Variants in LRCH1 observed in about 807,000 individuals in gnomAD.
The protein encoded by LRCH1 is leucine-rich repeat and calponin homology domain-containing protein 1.
Under a neutral mutation model 94.9 loss-of-function variants are expected in LRCH1, and 23 were observed. The observed-to-expected ratio is 0.24, with a 90% CI of 0.17 to 0.34. The LOEUF is 0.34. LRCH1 is among the 10% of genes least tolerant of loss of function. The probability of loss-of-function intolerance (pLI) is 1.00; values close to 1 mark genes in which losing one functional copy is unlikely to be tolerated. For synonymous variants in LRCH1, 364 were observed against 354.9 expected, an observed-to-expected ratio of 1.03 and a Z score of -0.29; for missense variants, 790 against 945.9, an observed-to-expected ratio of 0.84 and a Z score of 2.16.
chr13:46,652,162 C>A (rs551900738), intron 2 of LRCH1, among the ~76,000 whole-genome samples: 1 of 151,438 alleles, frequency 6.6e-6, no homozygotes, highest in Non-Finnish European at 1.5e-5. Context: ...CTGCAAGCTC[C>A]GCCTCCCGGG....
At chr13:46,600,166 C>CGG (rs1201585525) in intron 1 of LRCH1, among the ~76,000 whole-genome samples, 4,139 of 152,168 alleles carry the variant, frequency 0.027, 173 homozygotes, top group African/African-American at 0.094. Flanking sequence ...GGATTACAGG[C>CGG]GTGAGCCACC....
intron 17 of LRCH1, among the ~76,000 whole-genome samples, chr13:46,726,862 C>CAAAAAAAAAAAA (rs71077918): frequency 2.6e-5 from 2 of 78,004 alleles, no homozygotes; most frequent in Non-Finnish European, 4.6e-5. Flanking sequence ...AGAGCAGTGT[C>CAAAAAAAAAAAA]AAAAAAAAAA....
intron 1 of LRCH1, among the ~76,000 whole-genome samples, chr13:46,589,900 A>ATTTT (rs113727855): frequency 1.5e-5 from 2 of 134,378 alleles, no homozygotes; most frequent in African/African-American, 5.4e-5. Context: ...TGTGCCTGGG[A>ATTTT]TTTTTTTTTT....
chr13:46,679,573 G>A (rs942922178), intron 3 of LRCH1, among the ~76,000 whole-genome samples: 2 of 152,194 alleles, frequency 1.3e-5, no homozygotes, highest in Non-Finnish European at 2.9e-5. Flanking sequence ...AGATGTGCTT[G>A]TGGAGTTTGT....
At chr13:46,570,812 T>C (rs980250955) in intron 1 of LRCH1, among the ~76,000 whole-genome samples, 8 of 152,204 alleles carry the variant, frequency 5.3e-5, no homozygotes, top group Non-Finnish European at 1.0e-4. Flanking sequence ...TTCTTATCTT[T>C]TGAGAGATTT....
At chr13:46,677,871 T>C (rs1225793566) in intron 3 of LRCH1, among the ~76,000 whole-genome samples, 1 of 152,218 alleles carries the variant, frequency 6.6e-6, no homozygotes, top group East Asian at 1.9e-4. Flanking sequence ...TAAATATTTA[T>C]AACATGCTCA....
At chr13:46,697,859 C>T (rs751734551) in intron 9 of LRCH1, among the ~76,000 whole-genome samples, 16 of 126,810 alleles carry the variant, frequency 1.3e-4, no homozygotes, top group Non-Finnish European at 2.6e-4. Context: ...CAACCCAGTA[C>T]GCCTGTTTTG....
intron 3 of LRCH1, among the ~76,000 whole-genome samples, chr13:46,676,044 C>A (rs187116829): frequency 1.3e-5 from 2 of 152,076 alleles, no homozygotes; most frequent in East Asian, 3.9e-4. Context: ...TTTGGGAGGC[C>A]GAGGTCAGGA....
At chr13:46,644,714 G>A (rs954456404) in intron 1 of LRCH1, among the ~76,000 whole-genome samples, 2 of 152,190 alleles carry the variant, frequency 1.3e-5, no homozygotes, top group African/African-American at 4.8e-5. Context: ...CACTAACTCA[G>A]TGGACAGGGT....
intron 13 of LRCH1, among the ~76,000 whole-genome samples, chr13:46,706,075 C>T (rs1441279150): frequency 6.6e-6 from 1 of 152,184 alleles, no homozygotes; most frequent in African/African-American, 2.4e-5. Flanking sequence ...AGCGGTTTCA[C>T]GCTCTTAACT....
intron 16 of LRCH1, among the ~76,000 whole-genome samples, chr13:46,717,222 A>T (rs1872366486): frequency 6.6e-6 from 1 of 152,210 alleles, no homozygotes; most frequent in South Asian, 2.1e-4. Flanking sequence ...CTCTGGAATC[A>T]TCTCTGCCGC....
At chr13:46,571,930 G>A (rs1566149564) in intron 1 of LRCH1, among the ~76,000 whole-genome samples, 1 of 152,112 alleles carries the variant, frequency 6.6e-6, no homozygotes, top group Non-Finnish European at 1.5e-5. Flanking sequence ...GAGAGAGAGA[G>A]ACAGGCAGGC....
chr13:46,726,048 T>G (rs1024804296), intron 17 of LRCH1, among the ~76,000 whole-genome samples: 1 of 152,208 alleles, frequency 6.6e-6, no homozygotes, highest in African/African-American at 2.4e-5. Context: ...ATATGCAGTG[T>G]TTTTCAAGTT....
intron 1 of LRCH1, among the ~76,000 whole-genome samples, chr13:46,593,540 C>G (rs1416638215): frequency 6.6e-6 from 1 of 152,168 alleles, no homozygotes; most frequent in Non-Finnish European, 1.5e-5. Flanking sequence ...CTGACGTGAT[C>G]TGAATAAACC....
chr13:46,679,815 A>G (rs2051726998), intron 3 of LRCH1: 2 of 152,282 alleles, frequency 1.3e-5, no homozygotes, highest in Admixed American at 1.3e-4. Flanking sequence ...CTTTTTAGCA[A>G]GAGTGATACT....
chr13:46,701,087 C>T (rs369858718), intron 10 of LRCH1, 34 bp from the exon 11 acceptor site: 82 of 1,334,464 alleles, frequency 6.1e-5, no homozygotes, highest in Non-Finnish European at 8.3e-5. Flanking sequence ...TTGTATTGAT[C>T]GTTTTCATTC....
At chr13:46,638,427 C>T (rs1321230464) in intron 1 of LRCH1, among the ~76,000 whole-genome samples, 1 of 152,090 alleles carries the variant, frequency 6.6e-6, no homozygotes, top group Non-Finnish European at 1.5e-5. Flanking sequence ...TGAAATTAAC[C>T]AGTTACTGAT....
intron 13 of LRCH1, among the ~76,000 whole-genome samples, chr13:46,707,291 C>T (rs1871814229): frequency 6.6e-6 from 1 of 152,144 alleles, no homozygotes; most frequent in Admixed American, 6.5e-5. Flanking sequence ...CATTTTGTGT[C>T]TGTCTAATGT....
intron 3 of LRCH1, among the ~76,000 whole-genome samples, chr13:46,671,003 T>G (rs2138121471): frequency 6.6e-6 from 1 of 152,288 alleles, no homozygotes; most frequent in South Asian, 2.1e-4. Flanking sequence ...CACAGGCAAC[T>G]CCTTCACAGG....
Sources: gnomAD v4.1 joint callset for allele counts (sites outside exome capture counted in the v4.1 genomes callset) on GRCh38, gnomAD v4.1.1 for gene constraint, MANE v1.5 for transcripts, NCBI Gene and HGNC (gene_info 2026-07-23, HGNC 2026-07-21) for gene names.